Variants in CCDC187 observed in about 807,000 individuals in gnomAD.
CCDC187 encodes coiled-coil domain-containing protein 187.
Under a neutral mutation model 38.0 loss-of-function variants are expected in CCDC187, and 32 were observed. The observed-to-expected ratio is 0.84, with a 90% CI of 0.64 to 1.13. The LOEUF (loss-of-function observed/expected upper bound fraction) is 1.13. Ranked by LOEUF, CCDC187 falls within the 50% of genes most tolerant of loss-of-function variation. The pLI is 0.00. For synonymous variants in CCDC187, 333 were observed against 347.9 expected (o/e 0.96, Z 0.48); for missense variants, 707 against 786.8 (o/e 0.90, Z 1.21).
chr9:136,290,683 G>T lies in CCDC187; in HGVS notation c.1930C>A (p.Arg644Ser). ...CGCCGCCGGGCCTGCGCCTTCTGGC[G>T]CATGAACTCCCGCAAGGACTCAGAG... is the stretch of plus-strand genomic sequence containing the variant. The part of the protein sequence containing the change: ...HSSESLREFM[R>S]QKAQARRRQA... The change falls in exon 6 of 26, where the codon CGC (arginine) becomes AGC (serine). Residue 644 changes from arginine to serine, a missense_variant. Transcript: ENST00000638797. 3 of 398,586 alleles carry T rather than the reference G, an allele frequency of 7.5e-6. No individual in the cohort carries two copies. The highest frequency in any genetic ancestry group is 4.4e-5 in the Admixed American group (1 of 22,734). 24.7% of individuals were successfully genotyped at this position (398,586 alleles called of 1,614,324 possible).
chr9:136,268,207 A>G, intron 14 of CCDC187, 82 bp from the exon 15 acceptor site: 6 of 896,494 alleles, frequency 6.7e-6, no homozygotes, highest in Non-Finnish European at 8.0e-6. Context: ...GGAGGGCCTC[A>G]TAAAAGTAGG....
Position 136,258,351 on chromosome 9 carries a change from C to A in CCDC187, c.4366+581G>T, listed in dbSNP as rs1453208578. Among the ~76,000 whole-genome samples, 1 of 152,192 alleles carries A rather than the reference C, an allele frequency of 6.6e-6. No homozygotes were observed. Among genetic ancestry groups the A allele is most frequent in the Non-Finnish European group, 1.5e-5 (1 of 68,030 alleles). ...TTGGGTGGCATAGTCTCCCTGCTTC[C>A]GAGGATGGACACTGGGTGGGGGCCT... On this transcript the variant is annotated intron_variant, in intron 22 of 25. Coordinates refer to ENST00000638797, the MANE Select transcript of CCDC187 (RefSeq NM_001378188.1). This position sits in a 1 kb window ranked among gnomAD's most constrained non-coding sequence, Gnocchi z 4.3.
chr9:136,257,934 GCTC>G lies in CCDC187; in HGVS notation c.4366+995_4366+997del, dbSNP rs1289867261. Among the ~76,000 whole-genome samples, 2 of 152,224 alleles carry G rather than the reference GCTC, an allele frequency of 1.3e-5. No individual in the cohort carries two copies. Among genetic ancestry groups the G allele is most frequent in the African/African-American group, 4.8e-5 (2 of 41,466 alleles). On this transcript the variant is annotated intron_variant, in intron 22 of 25. Transcript: ENST00000638797. The surrounding 1 kb of genome is among the most constrained non-coding windows in gnomAD (Gnocchi z 4.5). ...CGTGAGAACATAAGTCAGGCCTCAGGCTCCTCCTCTGCTGCGTGGGCATAACGA... is the reference window on the plus strand; with the variant it reads ...CGTGAGAACATAAGTCAGGCCTCAGGCTCCTCTGCTGCGTGGGCATAACGA...
chr9:136,302,064 G>A, intron 2 of CCDC187, among the ~76,000 whole-genome samples: 1 of 152,098 alleles, frequency 6.6e-6, no homozygotes, highest in East Asian at 2.0e-4. Flanking sequence ...ACGAAAATTA[G>A]CCAGGCATAG....
At chr9:136,282,438 C>G (rs1370332908) in intron 9 of CCDC187, among the ~76,000 whole-genome samples, 3 of 152,160 alleles carry the variant, frequency 2.0e-5, no homozygotes, top group East Asian at 3.9e-4. Context: ...TTGGGGTGCA[C>G]AGAGAGACGG....
At chr9:136,293,355 A>ACACT (rs1226765714) in intron 4 of CCDC187, among the ~76,000 whole-genome samples, 172 of 138,236 alleles carry the variant, frequency 1.2e-3, no homozygotes, top group South Asian at 9.0e-3. Context: ...ACATGCTCAC[A>ACACT]CACATTCACA....
At chr9:136,303,654 T>C (rs1288338391) in intron 1 of CCDC187, 34 bp downstream of exon 1, 1 of 152,954 alleles carries the variant, frequency 6.5e-6, no homozygotes, top group Non-Finnish European at 1.5e-5. Context: ...CTGCCAGCAG[T>C]GCAGCCCCCC....
chr9:136,293,235 GCTCACA>G (rs1831392037), intron 4 of CCDC187, among the ~76,000 whole-genome samples: 3 of 116,930 alleles, frequency 2.6e-5, no homozygotes, highest in Admixed American at 8.6e-5. Context: ...ACACTCACAC[GCTCACA>G]CTCACATGCT....
At position 136,254,428 on chromosome 9, in the gene CCDC187, C is replaced by T. The variant is rs917083013; in HGVS notation, c.5400G>A (p.Gln1800=). ...CGGACCGTGGGGAGGGAGGAGCCAC[C>T]TGGGGCTCCACGCCGCTTCCAAGGC... ...SLGLGSGVEP[Q]VAPPSPRSGE... Residue 1800 remains glutamine (Q), a synonymous_variant, in exon 26 of 26, where the codon CAG becomes CAA. Transcript: ENST00000638797. The T allele has an allele frequency of 1.6e-5, 16 of 985,222 alleles. No homozygotes were observed. The highest frequency in any genetic ancestry group is 1.8e-5 in the Non-Finnish European group (15 of 829,904). The allele number at this position is 985,222 out of a possible 1,614,324, so 61.0% of individuals were successfully genotyped here. A position where few individuals can be genotyped will look rare whatever the true frequency, so the allele number is the denominator to read the frequency against.
chr9:136,293,442 C>CACACA (rs1831421357), intron 4 of CCDC187, among the ~76,000 whole-genome samples: 13 of 33,946 alleles, frequency 3.8e-4, no homozygotes, highest in East Asian at 1.0e-3. Context: ...TGCTCACACA[C>CACACA]TCACACATGC....
Position 136,286,287 on chromosome 9 carries a change from G to A in CCDC187, c.2631C>T (p.Thr877=), listed in dbSNP as rs946331531. Residue 877 remains threonine, a synonymous_variant, in exon 8 of 26, where the codon ACC becomes ACT. Coordinates refer to ENST00000638797, the MANE Select transcript of CCDC187 (RefSeq NM_001378188.1). The stretch of plus-strand genomic sequence containing the variant: ...GGCAGGCTGGGGTGGCAAGCGTGGG[G>A]GTGGCGAGCGTGGGGGCGGCAGGTA... ...HSLPAAPTLA[T]PTLATPACPG... The A allele has an allele frequency of 5.5e-5, 22 of 398,552 alleles. No individual in the cohort carries two copies. Among genetic ancestry groups the A allele is most frequent in the Non-Finnish European group, 7.5e-5 (17 of 226,114 alleles). The allele number at this position is 398,552 out of a possible 1,614,324, so 24.7% of individuals were successfully genotyped here.
chr9:136,298,372 G>C (rs1341737790), intron 3 of CCDC187, among the ~76,000 whole-genome samples: 5 of 152,214 alleles, frequency 3.3e-5, no homozygotes, highest in Admixed American at 1.3e-4. Flanking sequence ...CGATGGGGAG[G>C]AGATGGAGAG....
intron 18 of CCDC187, among the ~76,000 whole-genome samples, chr9:136,263,300 C>T (rs1554761226): frequency 2.1e-5 from 3 of 142,036 alleles, no homozygotes; most frequent in Non-Finnish European, 4.5e-5. Context: ...AGTGGCATAT[C>T]TCGGCTCACT....
rs1023190295 is a variant in CCDC187, at chr9:136,300,348, G to A, written c.626-30C>T. On this transcript the variant is annotated intron_variant, in intron 2 of 25. Coordinates refer to ENST00000638797, the MANE Select transcript of CCDC187 (RefSeq NM_001378188.1). ...AACAGGGTGAAAAGAAGAAGGCAGC[G>A]TGAGAAGAGAGATCCGCAAAGAACT... The A allele has an allele frequency of 4.1e-4, 163 of 398,566 alleles. No homozygotes were observed. In the East Asian group the frequency reaches 4.5e-3, roughly 11 times the overall value. 24.7% of individuals were successfully genotyped at this position (398,566 alleles called of 1,614,324 possible). A position where few individuals can be genotyped will look rare whatever the true frequency, so the allele number is the denominator to read the frequency against.
At chr9:136,280,453 C>A (rs1341126492) in intron 10 of CCDC187, among the ~76,000 whole-genome samples, 2 of 152,204 alleles carry the variant, frequency 1.3e-5, no homozygotes, top group Non-Finnish European at 2.9e-5. Context: ...CCTCAGAGGG[C>A]TTCAGGTGTG....
Position 136,256,194 on chromosome 9 carries a change from G to A in CCDC187, c.4616+17C>T. ...GCCTCACGCTCCACCCCTGCTCCAG[G>A]GAGCTCAGCCCCACACCTCTGCTCC... On this transcript the variant is annotated intron_variant, in intron 24 of 25. Transcript: ENST00000638797. 1.0e-6 allele frequency: 1 copy of A among 984,424 alleles called. No individual in the cohort carries two copies. The highest frequency in any genetic ancestry group is 1.2e-6 in the Non-Finnish European group (1 of 829,042). The allele number at this position is 984,424 out of a possible 1,614,324, so 61.0% of individuals were successfully genotyped here. A position where few individuals can be genotyped will look rare whatever the true frequency, so the allele number is the denominator to read the frequency against.
rs367981973 is a variant in CCDC187, at chr9:136,263,158, C to T, written c.3912+464G>A. On this transcript the variant is annotated intron_variant, in intron 18 of 25. Transcript: ENST00000638797. ...GACCACCCCATCCAGGAAGCCTCCTCAGCCCCCCAGCAGTGTCCCCTCCCT... is the reference window on the plus strand; with the variant it reads ...GACCACCCCATCCAGGAAGCCTCCTTAGCCCCCCAGCAGTGTCCCCTCCCT... Among the ~76,000 whole-genome samples the T allele has an allele frequency of 8.6e-5, 13 of 151,686 alleles. No individual in the cohort carries two copies. In the East Asian group the frequency reaches 1.2e-3, roughly 14 times the overall value.
rs782680034 is a variant in CCDC187, at chr9:136,253,687, G to A, written c.6141C>T (p.Thr2047=). The change falls in exon 26 of 26, where the codon ACC becomes ACT. Residue 2047 remains threonine (T), a synonymous_variant. Coordinates refer to ENST00000638797, the MANE Select transcript of CCDC187 (RefSeq NM_001378188.1). ...SPPSGPLEED[T]AITTQDLSSL... is the part of the protein sequence containing the mutation. ...AGGACAAATCCTGGGTGGTGATGGC[G>A]GTGTCCTCCTCAAGGGGCCCCGAGG... is the stretch of plus-strand genomic sequence containing the variant. 144 of 985,428 alleles carry A rather than the reference G, an allele frequency of 1.5e-4. No individual in the cohort carries two copies. The highest frequency in any genetic ancestry group is 1.6e-4 in the Non-Finnish European group (136 of 829,998). 61.0% of individuals were successfully genotyped at this position (985,428 alleles called of 1,614,324 possible). A position where few individuals can be genotyped will look rare whatever the true frequency, so the allele number is the denominator to read the frequency against.
intron 18 of CCDC187, among the ~76,000 whole-genome samples, chr9:136,263,212 G>C (rs2131146557): frequency 9.7e-6 from 1 of 102,862 alleles, no homozygotes; most frequent in Admixed American, 1.1e-4. Context: ...CCACCCCCCA[G>C]CAAGTCTGCC....
Sources: gnomAD v4.1 joint callset for allele counts (sites outside exome capture counted in the v4.1 genomes callset) on GRCh38, gnomAD v4.1.1 for gene constraint, Gnocchi (gnomAD v3.1) non-coding constraint, MANE v1.5 for transcripts, NCBI Gene and HGNC (gene_info 2026-07-23, HGNC 2026-07-21) for gene names.